The following E2F5 variants were observed in gnomAD, a reference collection of about 807,000 sequenced individuals.
E2F5 encodes transcription factor E2F5.
In E2F5, 23 loss-of-function variants were observed where a neutral mutation model predicts 39.1. The observed-to-expected ratio is 0.59, with a 90% confidence interval of 0.42 to 0.83. E2F5 has a LOEUF of 0.83. Among genes scored for constraint, E2F5 ranks in the 40% least tolerant of loss-of-function variants. E2F5 has a pLI of 0.00. For missense variants in E2F5, 365 were observed against 406.7 expected (o/e 0.90, Z 0.88); for synonymous variants, 145 against 157.8 (o/e 0.92, Z 0.61).
intron 1 of E2F5, 88 bp downstream of exon 1, chr8:85,177,742 G>A (rs1812117006): frequency 1.7e-6 from 2 of 1,152,338 alleles, no homozygotes; most frequent in Non-Finnish European, 2.1e-6. Context: ...GTCTAGCGGC[G>A]TGGTGTAGAC....
intron 1 of E2F5, among the ~76,000 whole-genome samples, chr8:85,195,315 G>A (rs758526588): frequency 7.9e-5 from 12 of 152,032 alleles, no homozygotes; most frequent in East Asian, 5.9e-4. Flanking sequence ...CCCAGGAGGC[G>A]GAGGTTGCAG....
intron 1 of E2F5, among the ~76,000 whole-genome samples, chr8:85,188,714 G>A (rs1452998428): frequency 1.3e-5 from 2 of 152,162 alleles, no homozygotes; most frequent in East Asian, 1.9e-4. Context: ...CACCAGGCTG[G>A]ATCTAGAGCT....
Position 85,214,002 on chromosome 8 carries a change from T to C in E2F5, c.*140T>C, listed in dbSNP as rs1362933755. ...TGAAGTGTTCTTCCCTAATACTTTC[T>C]TTACTTCACAAAACTTCAACCATAA... is the stretch of plus-strand genomic sequence containing the variant. On this transcript the variant is annotated 3_prime_UTR_variant, in exon 8 of 8. Transcript: ENST00000416274. 3.9e-5 allele frequency: 24 copies of C among 617,266 alleles called. No homozygotes were observed. The highest frequency in any genetic ancestry group is 6.2e-5 in the Non-Finnish European group (22 of 353,988). The allele number at this position is 617,266 out of a possible 1,614,324, so 38.2% of individuals were successfully genotyped here.
At chr8:85,180,148 G>A (rs1366055121) in intron 1 of E2F5, among the ~76,000 whole-genome samples, 2 of 151,786 alleles carry the variant, frequency 1.3e-5, no homozygotes, top group African/African-American at 4.8e-5. Flanking sequence ...AGCCTCCCAA[G>A]TAGCTGGGAT....
intron 1 of E2F5, among the ~76,000 whole-genome samples, chr8:85,188,979 T>A (rs1362093127): frequency 3.9e-5 from 6 of 152,162 alleles, no homozygotes; most frequent in Non-Finnish European, 2.9e-5. Flanking sequence ...TGTGAAGGTA[T>A]GTTATAGTAT....
At chr8:85,201,068 A>G (rs1812687676) in intron 1 of E2F5, among the ~76,000 whole-genome samples, 1 of 152,202 alleles carries the variant, frequency 6.6e-6, no homozygotes, top group South Asian at 2.1e-4. Flanking sequence ...CATTTCTCTT[A>G]AGATCCCAAA....
chr8:85,197,085 G>A (rs950937386), intron 1 of E2F5, among the ~76,000 whole-genome samples: 1 of 152,032 alleles, frequency 6.6e-6, no homozygotes, highest in African/African-American at 2.4e-5. Context: ...TACTTCTGTT[G>A]CACATTTTTT....
At position 85,180,511 on chromosome 8, in the gene E2F5, C is replaced by CATATATAT. The variant is rs58188216; in HGVS notation, c.234+2894_234+2901dup. ...TTTAAACGCAGTTAAAGAAACTATA[C>CATATATAT]ATATATATATATATATATATATATA... On this transcript the variant is annotated intron_variant, in intron 1 of 7. Transcript: ENST00000416274. 6.1e-3 allele frequency among the ~76,000 whole-genome samples: 488 copies of CATATATAT among 80,504 alleles called. 5 individuals are homozygous for CATATATAT. The highest frequency in any genetic ancestry group is 7.0e-3 in the Non-Finnish European group (329 of 46,728). 52.8% of individuals were successfully genotyped at this position (80,504 alleles called of 152,430 possible).
chr8:85,206,838 A>G (rs542202943), intron 4 of E2F5, among the ~76,000 whole-genome samples: 1 of 152,324 alleles, frequency 6.6e-6, no homozygotes, highest in East Asian at 1.9e-4. Context: ...TTATCCACCT[A>G]TTTAAAAAGA....
Position 85,177,492 on chromosome 8 carries a change from G to T in E2F5, c.72G>T (p.Pro24=). 1 of 1,050,576 alleles carries T rather than the reference G, an allele frequency of 9.5e-7. No homozygotes were observed. The highest frequency in any genetic ancestry group is 1.1e-6 in the Non-Finnish European group (1 of 874,446). 65.1% of individuals were successfully genotyped at this position (1,050,576 alleles called of 1,614,324 possible). A position where few individuals can be genotyped will look rare whatever the true frequency, so the allele number is the denominator to read the frequency against. The change falls in exon 1 of 8, where the codon CCG becomes CCT. Residue 24 remains proline, a synonymous_variant. Coordinates refer to ENST00000416274, the MANE Select transcript of E2F5 (RefSeq NM_001951.4). ...GGCAGGGGCAGGGCCAGCGGCCGCCGCCGCAGCCTCCGCAGGCGCAAGCCC... is the reference window on the plus strand; with the variant it reads ...GGCAGGGGCAGGGCCAGCGGCCGCCTCCGCAGCCTCCGCAGGCGCAAGCCC... ...PAGQGQGQRP[P]PQPPQAQAPQ...
chr8:85,200,246 CAA>C (rs201729770), intron 1 of E2F5: 336 of 713,314 alleles, frequency 4.7e-4, no homozygotes, highest in South Asian at 7.6e-4. Context: ...GACTCTGTCT[CAA>C]AAAAAAAAAA....
chr8:85,181,789 G>C (rs533864238), intron 1 of E2F5, among the ~76,000 whole-genome samples: 2 of 151,376 alleles, frequency 1.3e-5, no homozygotes, highest in African/African-American at 4.8e-5. Flanking sequence ...GCGAAACCCC[G>C]TCTCTACTAA....
chr8:85,179,660 C>CT (rs1210677199), intron 1 of E2F5, among the ~76,000 whole-genome samples: 62 of 148,630 alleles, frequency 4.2e-4, no homozygotes, highest in Middle Eastern at 3.5e-3. Flanking sequence ...ATGTAAAAAT[C>CT]TTTTTTTTTT....
At chr8:85,199,558 G>A (rs930898454) in intron 1 of E2F5, among the ~76,000 whole-genome samples, 2 of 151,930 alleles carry the variant, frequency 1.3e-5, no homozygotes, top group Non-Finnish European at 2.9e-5. Context: ...TGGTGGTGGT[G>A]GTGGTGGAGA....
At chr8:85,205,298 C>T (rs778333428) in intron 3 of E2F5, among the ~76,000 whole-genome samples, 3 of 151,336 alleles carry the variant, frequency 2.0e-5, no homozygotes, top group African/African-American at 4.9e-5. Context: ...TGCAGTGATG[C>T]GATCTTGGCT....
At position 85,177,360 on chromosome 8, in the gene E2F5, C is replaced by A; in HGVS notation, c.-61C>A. ...CAGCGGAGCCGACCCGGCAGGTGGC[C>A]GCGGGCGGGGCCGGCGAGCGAAAGT... is the stretch of plus-strand genomic sequence containing the variant. On this transcript the variant is annotated 5_prime_UTR_variant, in exon 1 of 8. Coordinates refer to ENST00000416274, the MANE Select transcript of E2F5 (RefSeq NM_001951.4). The A allele has an allele frequency of 2.0e-6, 2 of 980,480 alleles. No homozygotes were observed. The highest frequency in any genetic ancestry group is 3.8e-5 in the African/African-American group (2 of 53,198). 60.7% of individuals were successfully genotyped at this position (980,480 alleles called of 1,614,324 possible). A position where few individuals can be genotyped will look rare whatever the true frequency, so the allele number is the denominator to read the frequency against.
chr8:85,186,850 A>G (rs907043343), intron 1 of E2F5, among the ~76,000 whole-genome samples: 1 of 148,358 alleles, frequency 6.7e-6, no homozygotes, highest in South Asian at 2.1e-4. Flanking sequence ...AGGTGTATAT[A>G]TATGGTGTGT....
Position 85,214,482 on chromosome 8 carries a change from C to A in E2F5, c.*620C>A. ...AAATGTGCCAATGCCTGTACATTAACAAGATTTTTAAAAATAAAATTGTAT... is the reference window on the plus strand; with the variant it reads ...AAATGTGCCAATGCCTGTACATTAAAAAGATTTTTAAAAATAAAATTGTAT... On this transcript the variant is annotated 3_prime_UTR_variant, in exon 8 of 8. Coordinates refer to ENST00000416274, the MANE Select transcript of E2F5 (RefSeq NM_001951.4). The A allele has an allele frequency of 1.9e-6, 2 of 1,030,678 alleles. No individual in the cohort carries two copies. The highest frequency in any genetic ancestry group is 3.0e-6 in the Non-Finnish European group (2 of 667,458). The allele number at this position is 1,030,678 out of a possible 1,614,324, so 63.8% of individuals were successfully genotyped here. A position where few individuals can be genotyped will look rare whatever the true frequency, so the allele number is the denominator to read the frequency against.
At chr8:85,204,923 C>T (rs889827175) in intron 3 of E2F5, among the ~76,000 whole-genome samples, 12 of 152,302 alleles carry the variant, frequency 7.9e-5, no homozygotes, top group Admixed American at 4.6e-4. Context: ...CAGTGGCTCA[C>T]GCCTGTAATC....
Sources: gnomAD v4.1 joint callset for allele counts (sites outside exome capture counted in the v4.1 genomes callset) on GRCh38, gnomAD v4.1.1 for gene constraint, MANE v1.5 for transcripts, NCBI Gene and HGNC (gene_info 2026-07-23, HGNC 2026-07-21) for gene names.